The following CAND1 variants were observed in gnomAD, a reference collection of about 807,000 sequenced individuals.
The protein encoded by CAND1 is cullin-associated NEDD8-dissociated protein 1.
Under a neutral mutation model 108.5 loss-of-function variants are expected in CAND1, and 7 were observed. That is an observed-to-expected ratio of 0.06 (90% CI 0.04 to 0.12). The LOEUF is 0.12. Ranked by LOEUF, CAND1 falls within the 10% of genes least tolerant of loss-of-function variation. CAND1 has a pLI of 1.00. For missense variants in CAND1, 941 were observed against 1,448.7 expected (o/e 0.65, Z 5.69); for synonymous variants, 534 against 512.0 (o/e 1.04, Z -0.58).
At chr12:67,272,512 T>C (rs1010641703) in intron 1 of CAND1, among the ~76,000 whole-genome samples, 2 of 152,204 alleles carry the variant, frequency 1.3e-5, no homozygotes, top group African/African-American at 4.8e-5. Flanking sequence ...TAAAAGAATC[T>C]TTTTGTAGGA....
chr12:67,277,294 C>G (rs1032320897), intron 1 of CAND1, among the ~76,000 whole-genome samples: 2 of 152,162 alleles, frequency 1.3e-5, no homozygotes, highest in Non-Finnish European at 1.5e-5. Context: ...TCTCTGAGTC[C>G]TGAGTCACAT....
rs1404766323 is a variant in CAND1 at position 67,317,890 on chromosome 12, A to T, written c.*5060A>T. On this transcript the variant is annotated 3_prime_UTR_variant, in exon 15 of 15. Transcript: ENST00000545606. ...AGGTATCTCAAACACAGCATATCTA[A>T]AGCTGAAGTCATCATCTTGCCCTGG... is the stretch of plus-strand genomic sequence containing the variant. 1 of 152,288 alleles carries T rather than the reference A, an allele frequency of 6.6e-6. No homozygotes were observed. The highest frequency in any genetic ancestry group is 2.4e-5 in the African/African-American group (1 of 41,468). 9.4% of individuals were successfully genotyped at this position (152,288 alleles called of 1,614,324 possible).
At chr12:67,311,492 T>C (rs1017969049) in intron 13 of CAND1, 1 of 479,744 alleles carries the variant, frequency 2.1e-6, no homozygotes, top group Non-Finnish European at 3.8e-6. Context: ...GATTCTAATG[T>C]GCAACCAAGA....
intron 7 of CAND1, 72 bp from the exon 8 acceptor site, chr12:67,302,251 A>T: frequency 7.3e-7 from 1 of 1,367,964 alleles, no homozygotes; most frequent in Non-Finnish European, 1.0e-6. Context: ...AAGAATATCA[A>T]TTGATTTTCT....
rs1340233102 is a variant in CAND1, at chr12:67,269,580, G to C, written c.-138G>C. ...GCCCGTCGAGGCGCCTCCCTAGTCA[G>C]CGTCGGCGTCGCGCTGCGACCCTGG... On this transcript the variant is annotated 5_prime_UTR_variant, in exon 1 of 15. Coordinates refer to ENST00000545606, the MANE Select transcript of CAND1 (RefSeq NM_018448.5). The C allele has an allele frequency of 7.5e-6, 5 of 669,746 alleles. No homozygotes were observed. The highest frequency in any genetic ancestry group is 1.2e-5 in the Non-Finnish European group (5 of 402,060). The allele number at this position is 669,746 out of a possible 1,614,324, so 41.5% of individuals were successfully genotyped here.
At chr12:67,288,784 A>G (rs75755928) in intron 2 of CAND1, among the ~76,000 whole-genome samples, 9,765 of 152,252 alleles carry the variant, frequency 0.064, 374 homozygotes, top group African/African-American at 0.093. Context: ...CAGTTGGGCT[A>G]TGTAGGCCTG....
At chr12:67,270,815 C>T (rs535748520) in intron 1 of CAND1, 1 of 149,840 alleles carries the variant, frequency 6.7e-6, no homozygotes, top group Non-Finnish European at 1.5e-5. Context: ...TTCCTTATAC[C>T]TGTTTTGTTC....
chr12:67,308,399 A>C (rs933245326), intron 11 of CAND1, among the ~76,000 whole-genome samples: 2 of 152,070 alleles, frequency 1.3e-5, no homozygotes, highest in Admixed American at 1.3e-4. Flanking sequence ...CATTTCCCCC[A>C]CACATTTTCT....
chr12:67,290,372 A>G (rs1343212028), intron 2 of CAND1, among the ~76,000 whole-genome samples: 1 of 152,054 alleles, frequency 6.6e-6, no homozygotes, highest in African/African-American at 2.4e-5. Flanking sequence ...GTAATGGGAC[A>G]TGTTGGTATA....
At position 67,286,937 on chromosome 12, in the gene CAND1, A is replaced by G. The variant is rs564123473; in HGVS notation, c.212+4884A>G. Among the ~76,000 whole-genome samples the G allele has an allele frequency of 2.0e-5, 3 of 152,302 alleles. No homozygotes were observed. The South Asian group carries it at 6.2e-4, about 32-fold the overall frequency. On this transcript the variant is annotated intron_variant, in intron 2 of 14. Transcript: ENST00000545606. ...TCCTTCCCTTCTGAATTACTTTGGCATCTTCGTCAAAAAATCAATTGACTA... is the reference window on the plus strand; with the variant it reads ...TCCTTCCCTTCTGAATTACTTTGGCGTCTTCGTCAAAAAATCAATTGACTA...
At chr12:67,291,267 G>A (rs2044719440) in intron 2 of CAND1, among the ~76,000 whole-genome samples, 1 of 152,234 alleles carries the variant, frequency 6.6e-6, no homozygotes, top group Non-Finnish European at 1.5e-5. Flanking sequence ...GCACAGGGTA[G>A]TGTAGTATTG....
Position 67,289,549 on chromosome 12 carries a change from G to A in CAND1, c.213-3073G>A, listed in dbSNP as rs2136002353. On this transcript the variant is annotated intron_variant, in intron 2 of 14. Transcript: ENST00000545606. Reference sequence around the variant, plus strand: ...CCACAGGTGCATGCCACCACACCCAGCTAATTTTAGTATTTTTGTTAGAGA... The same window carrying A: ...CCACAGGTGCATGCCACCACACCCAACTAATTTTAGTATTTTTGTTAGAGA... Among the ~76,000 whole-genome samples, 3 of 152,194 alleles carry A rather than the reference G, an allele frequency of 2.0e-5. No individual in the cohort carries two copies. In the Middle Eastern group the frequency reaches 0.01, roughly 518 times the overall value.
Position 67,319,620 on chromosome 12 carries a change from T to C in CAND1, c.*6790T>C, listed in dbSNP as rs2045040669. ...TTCCCCTCCTCCATACCATTGCTGATGGTTACTGAGGGTATGGGAAGGGCC... is the reference window on the plus strand; with the variant it reads ...TTCCCCTCCTCCATACCATTGCTGACGGTTACTGAGGGTATGGGAAGGGCC... On this transcript the variant is annotated 3_prime_UTR_variant, in exon 15 of 15. Transcript: ENST00000545606. 1 of 152,196 alleles carries C rather than the reference T, an allele frequency of 6.6e-6. No homozygotes were observed. The highest frequency in any genetic ancestry group is 2.1e-4 in the South Asian group (1 of 4,836). 9.4% of individuals were successfully genotyped at this position (152,196 alleles called of 1,614,324 possible).
chr12:67,303,005 G>A (rs992413945), intron 8 of CAND1, among the ~76,000 whole-genome samples: 1 of 152,138 alleles, frequency 6.6e-6, no homozygotes, highest in African/African-American at 2.4e-5. Flanking sequence ...TAATAAGAAC[G>A]TACTTAGAAA....
intron 8 of CAND1, among the ~76,000 whole-genome samples, chr12:67,303,469 A>C (rs1231731849): frequency 6.6e-6 from 1 of 152,238 alleles, no homozygotes; most frequent in African/African-American, 2.4e-5. Context: ...TATGCAAGTG[A>C]GTGAGTATAT....
chr12:67,302,687 A>G, intron 8 of CAND1, 72 bp downstream of exon 8: 1 of 1,348,576 alleles, frequency 7.4e-7, no homozygotes, highest in Non-Finnish European at 1.0e-6. Context: ...TTTATATGGA[A>G]AGGTGAGTTC....
chr12:67,319,873 T>C lies in CAND1; in HGVS notation c.*7043T>C, dbSNP rs2045043378. On this transcript the variant is annotated 3_prime_UTR_variant, in exon 15 of 15. Coordinates refer to ENST00000545606, the MANE Select transcript of CAND1 (RefSeq NM_018448.5). Reference sequence around the variant, plus strand: ...TGGGCCTTCCTTCTTGCTCTATATATGGTTTTGGATTCATTCCTTTTAAAA... The same window carrying C: ...TGGGCCTTCCTTCTTGCTCTATATACGGTTTTGGATTCATTCCTTTTAAAA... 3 of 152,232 alleles carry C rather than the reference T, an allele frequency of 2.0e-5. No individual in the cohort carries two copies. Among genetic ancestry groups the C allele is most frequent in the South Asian group, 2.1e-4 (1 of 4,834 alleles). 9.4% of individuals were successfully genotyped at this position (152,232 alleles called of 1,614,324 possible). A position where few individuals can be genotyped will look rare whatever the true frequency, so the allele number is the denominator to read the frequency against.
rs1457521424 is a variant in CAND1, at chr12:67,269,673, G to GCAGCAGCTC, written c.-37_-29dup. 1 of 1,546,846 alleles carries GCAGCAGCTC rather than the reference G, an allele frequency of 6.5e-7. No individual in the cohort carries two copies. Among genetic ancestry groups the GCAGCAGCTC allele is most frequent in the Non-Finnish European group, 8.8e-7 (1 of 1,135,806 alleles). The stretch of plus-strand genomic sequence containing the variant: ...GCGGCGGCGGCGGCAGCGGCAGCGG[G>GCAGCAGCTC]CAGCAGCTCCAGCAGCGCCAGCAGG... On this transcript the variant is annotated 5_prime_UTR_variant, in exon 1 of 15. Transcript: ENST00000545606.
chr12:67,318,635 G>A lies in CAND1; in HGVS notation c.*5805G>A, dbSNP rs1267497887. 6.6e-6 allele frequency: 1 copy of A among 152,062 alleles called. No individual in the cohort carries two copies. Among genetic ancestry groups the A allele is most frequent in the Non-Finnish European group, 1.5e-5 (1 of 68,020 alleles). The allele number at this position is 152,062 out of a possible 1,614,324, so 9.4% of individuals were successfully genotyped here. Reference sequence around the variant, plus strand: ...TCTTTTCCTCCTTATCTATTGACTGGACTGCGGCAAATGCCTGCTAATCGT... The same window carrying A: ...TCTTTTCCTCCTTATCTATTGACTGAACTGCGGCAAATGCCTGCTAATCGT... On this transcript the variant is annotated 3_prime_UTR_variant, in exon 15 of 15. Coordinates refer to ENST00000545606, the MANE Select transcript of CAND1 (RefSeq NM_018448.5).
Sources: gnomAD v4.1 joint callset for allele counts (sites outside exome capture counted in the v4.1 genomes callset) on GRCh38, gnomAD v4.1.1 for gene constraint, MANE v1.5 for transcripts, NCBI Gene and HGNC (gene_info 2026-07-23, HGNC 2026-07-21) for gene names.